Variants in NKAIN2 observed in about 807,000 individuals in gnomAD.
The protein encoded by NKAIN2 is sodium/potassium transporting ATPase interacting 2, also known as sodium/potassium-transporting ATPase subunit beta-1-interacting protein 2.
A neutral mutation model predicts 32.6 loss-of-function variants in NKAIN2; 14 were observed. The observed-to-expected ratio is 0.43, with a 90% CI of 0.28 to 0.67. The LOEUF (loss-of-function observed/expected upper bound fraction) is 0.67. Among genes scored for constraint, NKAIN2 ranks in the 30% least tolerant of loss-of-function variants. The pLI is 0.17. For missense variants in NKAIN2, 198 were observed against 258.3 expected, an observed-to-expected ratio of 0.77 and a Z score of 1.60; for synonymous variants, 80 against 87.2, an observed-to-expected ratio of 0.92 and a Z score of 0.46.
At chr6:124,781,930 A>C (rs115833183) in intron 4 of NKAIN2, among the ~76,000 whole-genome samples, 3,191 of 152,128 alleles carry the variant, frequency 0.021, 95 homozygotes, top group African/African-American at 0.071. Flanking sequence ...CCCAATCCAC[A>C]TTTTATTCCC....
At chr6:124,453,322 AACACACACACACACACACAC>A (rs766482280) in intron 3 of NKAIN2, among the ~76,000 whole-genome samples, 13 of 63,932 alleles carry the variant, frequency 2.0e-4, no homozygotes, top group South Asian at 7.0e-4. Context: ...CATGCATATA[AACACACACACACACACACAC>A]ACACACACAC....
In NKAIN2 at chr6:124,299,521, A is replaced by G. The variant is rs1348968956; in HGVS notation, c.192+16379A>G. 4.6e-5 allele frequency among the ~76,000 whole-genome samples: 7 copies of G among 152,154 alleles called. No individual in the cohort carries two copies. In the East Asian group the frequency reaches 1.3e-3, roughly 29 times the overall value. Reference sequence around the variant, plus strand: ...TGTAGCCTTTCCTTGACGATTCATGATGTAAATTGTTGTTATTGCAATAAG... The same window carrying G: ...TGTAGCCTTTCCTTGACGATTCATGGTGTAAATTGTTGTTATTGCAATAAG... On this transcript the variant is annotated intron_variant, in intron 2 of 6. Transcript: ENST00000368417.
At chr6:124,566,090 G>A (rs1053023830) in intron 3 of NKAIN2, among the ~76,000 whole-genome samples, 2 of 152,134 alleles carry the variant, frequency 1.3e-5, no homozygotes, top group African/African-American at 2.4e-5. Flanking sequence ...CACCAATTCC[G>A]ATTACCTCCA....
rs1200916306 is a variant in NKAIN2 at position 124,730,404 on chromosome 6, C to T, written c.475-60935C>T. Among the ~76,000 whole-genome samples the T allele has an allele frequency of 7.3e-5, 7 of 95,814 alleles. 1 individual carries two copies. The highest frequency in any genetic ancestry group is 7.5e-4 in the East Asian group (2 of 2,684). The allele number at this position is 95,814 out of a possible 152,430, so 62.9% of individuals were successfully genotyped here. The stretch of plus-strand genomic sequence containing the variant: ...AGAACAGAGCCCTCAGAAATAACGC[C>T]GCATATCTAAAACTATCTGATCTTT... On this transcript the variant is annotated intron_variant, in intron 4 of 6. Coordinates refer to ENST00000368417, the MANE Select transcript of NKAIN2 (RefSeq NM_001040214.3).
At chr6:124,328,169 A>T (rs939713889) in intron 2 of NKAIN2, among the ~76,000 whole-genome samples, 1 of 152,200 alleles carries the variant, frequency 6.6e-6, no homozygotes, top group African/African-American at 2.4e-5. Flanking sequence ...GCCTGGATGT[A>T]CTATACTGCA....
chr6:123,942,934 C>A (rs545088028), intron 1 of NKAIN2, among the ~76,000 whole-genome samples: 1 of 151,958 alleles, frequency 6.6e-6, no homozygotes, highest in African/African-American at 2.4e-5. Context: ...TCTTACTAAA[C>A]GATTATTAGG....
chr6:124,034,311 G>T (rs1464288175), intron 1 of NKAIN2, among the ~76,000 whole-genome samples: 1 of 151,788 alleles, frequency 6.6e-6, no homozygotes, highest in African/African-American at 2.4e-5. Flanking sequence ...AGTCCTCCAT[G>T]TCTATTGTTT....
At chr6:124,408,214 G>A (rs1773962118) in intron 3 of NKAIN2, among the ~76,000 whole-genome samples, 1 of 152,064 alleles carries the variant, frequency 6.6e-6, no homozygotes, top group South Asian at 2.1e-4. Context: ...GATCCCATTT[G>A]TCAATTTTGG....
intron 1 of NKAIN2, among the ~76,000 whole-genome samples, chr6:124,138,901 T>A (rs905180048): frequency 1.3e-5 from 2 of 150,730 alleles, no homozygotes; most frequent in Non-Finnish European, 3.0e-5. Context: ...AAGAATGATA[T>A]AATGGACTTT....
rs1562324685 is a variant in NKAIN2, at chr6:124,687,431, A to ATATT, written c.474+29045_474+29046insTATT. Among the ~76,000 whole-genome samples the ATATT allele has an allele frequency of 5.9e-3, 26 of 4,378 alleles. 1 individual carries two copies. Among genetic ancestry groups the ATATT allele is most frequent in the African/African-American group, 0.018 (23 of 1,298 alleles). 2.9% of individuals were successfully genotyped at this position (4,378 alleles called of 152,430 possible). On this transcript the variant is annotated intron_variant, in intron 4 of 6. Coordinates refer to ENST00000368417, the MANE Select transcript of NKAIN2 (RefSeq NM_001040214.3). ...TATGGAATATATATATTCCATGTATACCATATACATACATGGTATATATTC... is the reference window on the plus strand; with the variant it reads ...TATGGAATATATATATTCCATGTATATATTCCATATACATACATGGTATATATTC...
intron 1 of NKAIN2, among the ~76,000 whole-genome samples, chr6:124,180,965 T>C (rs1478740441): frequency 6.6e-6 from 1 of 152,124 alleles, no homozygotes; most frequent in Non-Finnish European, 1.5e-5. Flanking sequence ...GGGCTTTGAC[T>C]CTGCAATTTC....
intron 1 of NKAIN2, among the ~76,000 whole-genome samples, chr6:124,149,974 A>T (rs887474273): frequency 2.6e-5 from 4 of 152,184 alleles, no homozygotes; most frequent in African/African-American, 9.7e-5. Flanking sequence ...GGTGAAGGTC[A>T]GGGGCATGGA....
chr6:124,581,178 G>T (rs533259617), intron 3 of NKAIN2, among the ~76,000 whole-genome samples: 5 of 152,196 alleles, frequency 3.3e-5, no homozygotes, highest in Admixed American at 3.3e-4. Context: ...GGTGGCTCAC[G>T]CCTGTAATCC....
intron 3 of NKAIN2, among the ~76,000 whole-genome samples, chr6:124,554,701 A>C (rs1184123803): frequency 6.6e-6 from 1 of 152,220 alleles, no homozygotes; most frequent in African/African-American, 2.4e-5. Flanking sequence ...GTTTTGGTTA[A>C]AAAGCTTTGG....
chr6:124,357,771 A>C (rs1799056449), intron 3 of NKAIN2, among the ~76,000 whole-genome samples: 1 of 151,880 alleles, frequency 6.6e-6, no homozygotes, highest in Non-Finnish European at 1.5e-5. Flanking sequence ...AGAGTTTAGA[A>C]CTTTTCTTTT....
intron 1 of NKAIN2, among the ~76,000 whole-genome samples, chr6:123,831,645 T>TA (rs1293114423): frequency 1.4e-5 from 2 of 148,026 alleles, no homozygotes; most frequent in African/African-American, 4.9e-5. Context: ...GTACCTTTGT[T>TA]ACAGTTTTTT....
chr6:124,017,778 C>T (rs1780653228), intron 1 of NKAIN2, among the ~76,000 whole-genome samples: 1 of 152,094 alleles, frequency 6.6e-6, no homozygotes, highest in African/African-American at 2.4e-5. Flanking sequence ...ACAGCACCCC[C>T]CACCCCGACC....
chr6:124,752,898 C>T (rs1777791161), intron 4 of NKAIN2, among the ~76,000 whole-genome samples: 1 of 152,058 alleles, frequency 6.6e-6, no homozygotes, highest in South Asian at 2.1e-4. Flanking sequence ...GCCTCATAGA[C>T]TACACATCAA....
chr6:124,462,306 G>A (rs952893878), intron 3 of NKAIN2, among the ~76,000 whole-genome samples: 2 of 151,864 alleles, frequency 1.3e-5, no homozygotes, highest in Admixed American at 6.6e-5. Context: ...AGTCATTAGA[G>A]CTTAGCTTTA....
Sources: gnomAD v4.1 joint callset for allele counts (sites outside exome capture counted in the v4.1 genomes callset) on GRCh38, gnomAD v4.1.1 for gene constraint, MANE v1.5 for transcripts, NCBI Gene and HGNC (gene_info 2026-07-23, HGNC 2026-07-21) for gene names.